The following PALLD variants were observed in gnomAD, a reference collection of about 807,000 sequenced individuals.
The protein encoded by PALLD is palladin, cytoskeletal associated protein.
Under a neutral mutation model 123.5 loss-of-function variants are expected in PALLD, and 61 were observed. The observed-to-expected ratio is 0.49, with a 90% CI of 0.40 to 0.61. The LOEUF (loss-of-function observed/expected upper bound fraction) is 0.61, where lower values mean the gene tolerates loss of function less well. Among genes scored for constraint, PALLD ranks in the 20% least tolerant of loss-of-function variants. The pLI is 0.00. For missense variants in PALLD, 1,273 were observed against 1,377.0 expected, an observed-to-expected ratio of 0.92 and a Z score of 1.20; for synonymous variants, 465 against 496.4, an observed-to-expected ratio of 0.94 and a Z score of 0.84.
At chr4:168,799,581 G>A (rs1253504671) in intron 10 of PALLD, among the ~76,000 whole-genome samples, 3 of 152,164 alleles carry the variant, frequency 2.0e-5, no homozygotes, top group African/African-American at 7.2e-5. Context: ...TGAGTACCTG[G>A]CAATTCAGTA....
At chr4:168,682,789 G>A (rs931687464) in intron 4 of PALLD, among the ~76,000 whole-genome samples, 5 of 151,862 alleles carry the variant, frequency 3.3e-5, no homozygotes, top group African/African-American at 1.2e-4. Context: ...ATTCTATAAG[G>A]TACATGTATA....
intron 10 of PALLD, among the ~76,000 whole-genome samples, chr4:168,849,798 A>T (rs1026919138): frequency 6.6e-6 from 1 of 151,480 alleles, no homozygotes; most frequent in Non-Finnish European, 1.5e-5. Flanking sequence ...AACTGGCACT[A>T]TTGAGATTCA....
intron 10 of PALLD, among the ~76,000 whole-genome samples, chr4:168,804,958 A>C (rs1739943372): frequency 6.6e-6 from 1 of 152,278 alleles, no homozygotes; most frequent in Admixed American, 6.5e-5. Context: ...CAGGAGTTCA[A>C]GACCAGCCTG....
At chr4:168,643,153 A>G (rs1777121383) in intron 2 of PALLD, among the ~76,000 whole-genome samples, 1 of 152,222 alleles carries the variant, frequency 6.6e-6, no homozygotes, top group Non-Finnish European at 1.5e-5. Context: ...TGAGAGCATT[A>G]TGGCAAAATT....
At chr4:168,790,164 T>C (rs1737306667) in intron 10 of PALLD, among the ~76,000 whole-genome samples, 1 of 150,696 alleles carries the variant, frequency 6.6e-6, no homozygotes, top group South Asian at 2.1e-4. Flanking sequence ...GTTTCTTTTT[T>C]TTTTTTTTTT....
intron 10 of PALLD, among the ~76,000 whole-genome samples, chr4:168,850,382 T>TA (rs1389509302): frequency 2.0e-5 from 3 of 152,120 alleles, no homozygotes; most frequent in Admixed American, 6.5e-5. Flanking sequence ...CCTGCACTAC[T>TA]AAAATCCTTC....
chr4:168,692,686 TTA>T, intron 8 of PALLD, among the ~76,000 whole-genome samples: 1 of 152,192 alleles, frequency 6.6e-6, no homozygotes, highest in Non-Finnish European at 1.5e-5. Context: ...ATAAAGCAAT[TTA>T]TGTCTTTTAA....
intron 10 of PALLD, among the ~76,000 whole-genome samples, chr4:168,761,645 G>GGTTTTT (rs1732868574): frequency 1.1e-5 from 1 of 88,024 alleles, no homozygotes; most frequent in Non-Finnish European, 2.2e-5. Context: ...GTTGTTGTTT[G>GGTTTTT]TTTTTTTTTT....
intron 10 of PALLD, among the ~76,000 whole-genome samples, chr4:168,854,409 A>T (rs1406665078): frequency 6.6e-6 from 1 of 152,192 alleles, no homozygotes; most frequent in Non-Finnish European, 1.5e-5. Context: ...ACAGAGGAAA[A>T]ATACGTATTG....
In PALLD at chr4:168,791,703, T is replaced by C. The variant is rs189499952; in HGVS notation, c.1964+79780T>C. On this transcript the variant is annotated intron_variant, in intron 10 of 21. Coordinates refer to ENST00000505667, the MANE Select transcript of PALLD (RefSeq NM_001166108.2). Reference sequence around the variant, plus strand: ...CCAAACCATATCAGATCCTGATAGATTTTAAGCTTGGTGTTGATTATCTGA... The same window carrying C: ...CCAAACCATATCAGATCCTGATAGACTTTAAGCTTGGTGTTGATTATCTGA... Among the ~76,000 whole-genome samples, 209 of 152,300 alleles carry C rather than the reference T, an allele frequency of 1.4e-3. 1 individual carries two copies. The highest frequency in any genetic ancestry group is 2.4e-3 in the Non-Finnish European group (164 of 68,016).
chr4:168,674,506 G>A (rs947146184), intron 3 of PALLD, among the ~76,000 whole-genome samples: 1 of 152,150 alleles, frequency 6.6e-6, no homozygotes, highest in African/African-American at 2.4e-5. Context: ...AGCCCCCAGG[G>A]TGTGAGAGAA....
chr4:168,920,824 G>A (rs1301986779), intron 17 of PALLD, among the ~76,000 whole-genome samples: 1 of 152,178 alleles, frequency 6.6e-6, no homozygotes, highest in Non-Finnish European at 1.5e-5. Context: ...AACTATGGCT[G>A]CTCCTTGATG....
At chr4:168,797,949 C>A (rs1428179561) in intron 10 of PALLD, among the ~76,000 whole-genome samples, 1 of 151,986 alleles carries the variant, frequency 6.6e-6, no homozygotes, top group African/African-American at 2.4e-5. Flanking sequence ...CCTAATCTGG[C>A]TATTTTTCTT....
At chr4:168,787,028 T>C (rs890776261) in intron 10 of PALLD, among the ~76,000 whole-genome samples, 14 of 152,316 alleles carry the variant, frequency 9.2e-5, no homozygotes, top group African/African-American at 3.4e-4. Context: ...ACTTACCTTC[T>C]ATCCATCTGT....
intron 3 of PALLD, among the ~76,000 whole-genome samples, chr4:168,679,471 T>TG (rs572215448): frequency 1.1e-4 from 6 of 56,226 alleles, no homozygotes; most frequent in South Asian, 6.2e-4. Context: ...TGGACGTGTG[T>TG]GGGGGGGTGT....
intron 2 of PALLD, chr4:168,598,800 T>G (rs917563551): frequency 6.4e-6 from 2 of 310,242 alleles, no homozygotes; most frequent in African/African-American, 4.5e-5. Flanking sequence ...GGGAGGGTCC[T>G]CCAACACCAG....
intron 2 of PALLD, among the ~76,000 whole-genome samples, chr4:168,575,358 G>A (rs1258280467): frequency 6.6e-6 from 1 of 152,030 alleles, no homozygotes; most frequent in East Asian, 2.0e-4. Flanking sequence ...CATCTTACAT[G>A]GCAGCAGGTG....
At chr4:168,631,722 A>G (rs1239279439) in intron 2 of PALLD, 1 of 985,384 alleles carries the variant, frequency 1.0e-6, no homozygotes, top group Non-Finnish European at 1.2e-6. Context: ...TCTCGAGCGC[A>G]GCAGGCAAGG....
chr4:168,921,420 A>T, intron 17 of PALLD, 114 bp from the exon 18 acceptor site: 1 of 667,074 alleles, frequency 1.5e-6, no homozygotes, highest in Non-Finnish European at 2.5e-6. Flanking sequence ...AAAAAAAAAA[A>T]AAAAAAGCCA....
Sources: gnomAD v4.1 joint callset for allele counts (sites outside exome capture counted in the v4.1 genomes callset) on GRCh38, gnomAD v4.1.1 for gene constraint, MANE v1.5 for transcripts, NCBI Gene and HGNC (gene_info 2026-07-23, HGNC 2026-07-21) for gene names.